FAM25A: variants seen among roughly 807,000 people sequenced by gnomAD.
The protein encoded by FAM25A is protein FAM25A.
Under a neutral mutation model 6.6 loss-of-function variants are expected in FAM25A, and 5 were observed. The observed-to-expected ratio is 0.75, with a 90% confidence interval of 0.39 to 1.59. FAM25A has a LOEUF of 1.59. Among genes scored for constraint, FAM25A ranks in the 40% most tolerant of loss-of-function variants. FAM25A has a pLI of 0.02. For synonymous variants in FAM25A, 36 were observed against 41.3 expected (o/e 0.87, Z 0.49); for missense variants, 93 against 109.7 (o/e 0.85, Z 0.68).
intron 2 of FAM25A, among the ~76,000 whole-genome samples, chr10:87,022,591 A>G (rs1008892083): frequency 3.3e-5 from 5 of 152,232 alleles, no homozygotes; most frequent in African/African-American, 4.8e-5. Context: ...TGGAATAAGA[A>G]GACAAAGTCA....
At chr10:87,023,019 G>A (rs1246737842) in intron 2 of FAM25A, among the ~76,000 whole-genome samples, 5 of 150,970 alleles carry the variant, frequency 3.3e-5, no homozygotes, top group Non-Finnish European at 5.9e-5. Context: ...GGATCACGAG[G>A]TCAGGAGATC....
At chr10:87,021,633 T>G (rs1157194725) in intron 1 of FAM25A, among the ~76,000 whole-genome samples, 1 of 152,188 alleles carries the variant, frequency 6.6e-6, no homozygotes, top group Non-Finnish European at 1.5e-5. Flanking sequence ...TCCTCTGGAC[T>G]TGCCGCCCCC....
At chr10:87,024,339 C>G (rs1244010243) in intron 2 of FAM25A, among the ~76,000 whole-genome samples, 1 of 152,082 alleles carries the variant, frequency 6.6e-6, no homozygotes, top group Non-Finnish European at 1.5e-5. Flanking sequence ...TGCTCAGTCT[C>G]ACTCACAGTT....
At chr10:87,022,100 C>G (rs929880195) in intron 1 of FAM25A, among the ~76,000 whole-genome samples, 4 of 152,154 alleles carry the variant, frequency 2.6e-5, no homozygotes, top group Non-Finnish European at 5.9e-5. Context: ...GGGGAAGGTC[C>G]TTCTCATGAG....
chr10:87,020,953 G>A (rs1292948932), intron 1 of FAM25A, among the ~76,000 whole-genome samples: 2 of 152,152 alleles, frequency 1.3e-5, no homozygotes, highest in Non-Finnish European at 2.9e-5. Context: ...TTAGCCTCCT[G>A]AGTGTCTGGG....
intron 1 of FAM25A, among the ~76,000 whole-genome samples, chr10:87,020,810 C>G (rs1845323558): frequency 6.6e-6 from 1 of 152,202 alleles, no homozygotes; most frequent in African/African-American, 2.4e-5. Flanking sequence ...TCCAAGTCCC[C>G]TGAAGCATGT....
chr10:87,020,699 A>G (rs1402983209), intron 1 of FAM25A, among the ~76,000 whole-genome samples: 1 of 152,188 alleles, frequency 6.6e-6, no homozygotes, highest in East Asian at 1.9e-4. Flanking sequence ...ATGCAGGAAA[A>G]GGAAGATGGA....
rs568469332 is a variant in FAM25A, at chr10:87,024,216, ATT to A, written c.137-323_137-322del. On this transcript the variant is annotated intron_variant, in intron 2 of 2. Coordinates refer to ENST00000343959, the MANE Select transcript of FAM25A (RefSeq NM_001146157.3). ...GAAAAATTACACACTGATGAAAAAT[ATT>A]TGTCATAAAAATGATAATCCAATAT... Among the ~76,000 whole-genome samples the A allele has an allele frequency of 5.3e-3, 802 of 152,102 alleles. 9 individuals are homozygous for A. The highest frequency in any genetic ancestry group is 0.018 in the African/African-American group (757 of 41,538).
In FAM25A at chr10:87,021,256, C is replaced by T. The variant is rs891645421; in HGVS notation, c.73+859C>T. ...TGTCCTCTTTCTAAATGGCAGCAGA[C>T]GCGTATTTTGTTTTTGACTCTGCAG... On this transcript the variant is annotated intron_variant, in intron 1 of 2. Transcript: ENST00000343959. 9.2e-5 allele frequency among the ~76,000 whole-genome samples: 14 copies of T among 152,204 alleles called. 1 individual carries two copies. The highest frequency in any genetic ancestry group is 3.9e-4 in the Admixed American group (6 of 15,282).
At chr10:87,021,257 G>A (rs1213147645) in intron 1 of FAM25A, among the ~76,000 whole-genome samples, 12 of 152,226 alleles carry the variant, frequency 7.9e-5, no homozygotes, top group South Asian at 2.1e-4. Flanking sequence ...GGCAGCAGAC[G>A]CGTATTTTGT....
At chr10:87,022,557 G>A (rs2133756692) in intron 2 of FAM25A, among the ~76,000 whole-genome samples, 181 bp downstream of exon 2, 1 of 152,314 alleles carries the variant, frequency 6.6e-6, no homozygotes, top group African/African-American at 2.4e-5. Flanking sequence ...CTGCGTTAGG[G>A]CACTGTCTAG....
intron 2 of FAM25A, among the ~76,000 whole-genome samples, chr10:87,022,904 G>A (rs185253976): frequency 0.022 from 3,185 of 146,024 alleles, 97 homozygotes; most frequent in African/African-American, 0.075. Flanking sequence ...TCCAGCCTGG[G>A]CTACAGAGTG....
Position 87,021,130 on chromosome 10 carries a change from G to A in FAM25A, c.73+733G>A, listed in dbSNP as rs543806921. On this transcript the variant is annotated intron_variant, in intron 1 of 2. Transcript: ENST00000343959. Reference sequence around the variant, plus strand: ...GGCGTGAACCACCGCACCTGGTCCCGAAGTGTATGTTGTATTCAGAGGTCA... The same window carrying A: ...GGCGTGAACCACCGCACCTGGTCCCAAAGTGTATGTTGTATTCAGAGGTCA... Among the ~76,000 whole-genome samples, 53 of 152,300 alleles carry A rather than the reference G, an allele frequency of 3.5e-4. 1 individual carries two copies. Among genetic ancestry groups the A allele is most frequent in the Non-Finnish European group, 4.4e-5 (3 of 68,026 alleles).
At chr10:87,024,128 T>C (rs1235510506) in intron 2 of FAM25A, among the ~76,000 whole-genome samples, 2 of 150,088 alleles carry the variant, frequency 1.3e-5, no homozygotes, top group Non-Finnish European at 3.0e-5. Flanking sequence ...TTAAGTAAAT[T>C]TGACAATCCA....
chr10:87,021,317 C>G (rs1589337923), intron 1 of FAM25A, among the ~76,000 whole-genome samples: 2 of 152,310 alleles, frequency 1.3e-5, no homozygotes, highest in Admixed American at 6.5e-5. Flanking sequence ...TTTCACTAGC[C>G]TCTGAGTTTT....
chr10:87,022,664 C>A (rs567993014), intron 2 of FAM25A, among the ~76,000 whole-genome samples: 26 of 152,332 alleles, frequency 1.7e-4, no homozygotes, highest in African/African-American at 5.8e-4. Context: ...CGGTGGCTCA[C>A]GCCTGTAATC....
chr10:87,021,605 CTT>C (rs1845330124), intron 1 of FAM25A, among the ~76,000 whole-genome samples: 1 of 152,230 alleles, frequency 6.6e-6, no homozygotes, highest in Non-Finnish European at 1.5e-5. Context: ...CAAACTGTCT[CTT>C]TCTCATTCCT....
chr10:87,023,988 G>C (rs1437081219), intron 2 of FAM25A, among the ~76,000 whole-genome samples: 1 of 152,046 alleles, frequency 6.6e-6, no homozygotes, highest in African/African-American at 2.4e-5. Context: ...GGATTTCAAC[G>C]TATGAGTTTT....
intron 1 of FAM25A, among the ~76,000 whole-genome samples, chr10:87,021,185 A>C (rs9421555): frequency 0.43 from 65,191 of 152,038 alleles, 14,292 homozygotes; most frequent in East Asian, 0.69. Context: ...CCCAGCCAGG[A>C]GCCACTCATG....
Sources: gnomAD v4.1 joint callset for allele counts (sites outside exome capture counted in the v4.1 genomes callset) on GRCh38, gnomAD v4.1.1 for gene constraint, MANE v1.5 for transcripts, NCBI Gene and HGNC (gene_info 2026-07-23, HGNC 2026-07-21) for gene names.